Variants in PARN observed in about 807,000 individuals in gnomAD.
The protein encoded by PARN is poly(A)-specific ribonuclease.
In PARN, 71 loss-of-function variants were observed where a neutral mutation model predicts 102.8. The observed-to-expected ratio is 0.69, with a 90% CI of 0.57 to 0.84. The LOEUF (loss-of-function observed/expected upper bound fraction) is 0.84, where lower values mean the gene tolerates loss of function less well. PARN is among the 40% of genes least tolerant of loss of function. The pLI, the probability that PARN is intolerant of heterozygous loss-of-function variation, is 0.00. For missense variants in PARN, 782 were observed against 760.9 expected (o/e 1.03, Z -0.33); for synonymous variants, 261 against 252.9 (o/e 1.03, Z -0.30).
At chr16:14,524,387 T>C (rs1377985824) in intron 21 of PARN, among the ~76,000 whole-genome samples, 2 of 152,276 alleles carry the variant, frequency 1.3e-5, no homozygotes, top group East Asian at 3.9e-4. Context: ...CAAACATGAA[T>C]TATGAAAAAG....
chr16:14,601,725 C>T (rs903930678), intron 11 of PARN: 1 of 151,938 alleles, frequency 6.6e-6, no homozygotes, highest in Non-Finnish European at 1.5e-5. Context: ...GAGTTCAAGA[C>T]CTGCCTGGCC....
chr16:14,624,930 A>G (rs1365630904), intron 5 of PARN, among the ~76,000 whole-genome samples: 1 of 152,092 alleles, frequency 6.6e-6, no homozygotes, highest in Admixed American at 6.6e-5. Context: ...CATGCCTGTA[A>G]TAACAGCTAC....
At chr16:14,483,896 GA>G (rs1447309741) in intron 21 of PARN, among the ~76,000 whole-genome samples, 1 of 152,124 alleles carries the variant, frequency 6.6e-6, no homozygotes, top group Non-Finnish European at 1.5e-5. Context: ...TGGTTGCATG[GA>G]AAAGTTCTTC....
At chr16:14,479,943 A>G (rs895262846) in intron 22 of PARN, among the ~76,000 whole-genome samples, 2 of 151,850 alleles carry the variant, frequency 1.3e-5, no homozygotes, top group African/African-American at 4.8e-5. Flanking sequence ...AAAAGAGACA[A>G]TCACTGCAAC....
intron 18 of PARN, among the ~76,000 whole-genome samples, chr16:14,571,703 T>G (rs1968824607): frequency 6.6e-6 from 1 of 152,172 alleles, no homozygotes; most frequent in Non-Finnish European, 1.5e-5. Flanking sequence ...AGGCCTATGA[T>G]GTACCAGCCA....
At chr16:14,597,481 G>A (rs779754975) in intron 12 of PARN, among the ~76,000 whole-genome samples, 21 of 152,108 alleles carry the variant, frequency 1.4e-4, no homozygotes, top group Non-Finnish European at 3.1e-4. Flanking sequence ...CGGATCACGA[G>A]GTCAGGAGAC....
chr16:14,549,835 A>G (rs1967182960), intron 21 of PARN, among the ~76,000 whole-genome samples: 2 of 152,162 alleles, frequency 1.3e-5, no homozygotes, highest in Admixed American at 1.3e-4. Flanking sequence ...CCATGATCTC[A>G]TTTCATCCTC....
chr16:14,610,227 C>T (rs1159912370), intron 7 of PARN, among the ~76,000 whole-genome samples: 1 of 152,152 alleles, frequency 6.6e-6, no homozygotes, highest in Non-Finnish European at 1.5e-5. Flanking sequence ...AATCTCAACA[C>T]TTTGAGAGGC....
At chr16:14,455,991 GAAT>G (rs1284735796) in intron 22 of PARN, among the ~76,000 whole-genome samples, 1 of 152,020 alleles carries the variant, frequency 6.6e-6, no homozygotes, top group African/African-American at 2.4e-5. Context: ...TCACAATTTG[GAAT>G]AAGAGACAAA....
intron 21 of PARN, among the ~76,000 whole-genome samples, chr16:14,507,494 T>G (rs765713647): frequency 1.3e-5 from 2 of 151,650 alleles, no homozygotes; most frequent in Non-Finnish European, 2.9e-5. Flanking sequence ...CCCAGGAGTA[T>G]GAGACCGACC....
chr16:14,516,792 ACCTGTAAAAC>A (rs2151645138), intron 21 of PARN, among the ~76,000 whole-genome samples: 1 of 152,338 alleles, frequency 6.6e-6, no homozygotes, highest in East Asian at 1.9e-4. Flanking sequence ...ATGTACACTT[ACCTGTAAAAC>A]AGAGACTAAA....
At chr16:14,594,893 C>T (rs1970409220) in intron 12 of PARN, among the ~76,000 whole-genome samples, 2 of 152,168 alleles carry the variant, frequency 1.3e-5, no homozygotes, top group Admixed American at 1.3e-4. Context: ...TTCTGAATAC[C>T]TATGCTACGC....
At chr16:14,473,091 T>C (rs1233122763) in intron 22 of PARN, among the ~76,000 whole-genome samples, 1 of 152,174 alleles carries the variant, frequency 6.6e-6, no homozygotes, top group Non-Finnish European at 1.5e-5. Context: ...AAATCTTTTA[T>C]AGTAGTAATC....
At chr16:14,530,769 G>A (rs1966281147) in intron 21 of PARN, among the ~76,000 whole-genome samples, 1 of 152,024 alleles carries the variant, frequency 6.6e-6, no homozygotes, top group South Asian at 2.1e-4. Flanking sequence ...CCTTCCCAAG[G>A]ACTGTACCAG....
At chr16:14,572,874 A>AT (rs1351582120) in intron 18 of PARN, among the ~76,000 whole-genome samples, 2 of 151,792 alleles carry the variant, frequency 1.3e-5, no homozygotes, top group African/African-American at 4.8e-5. Context: ...CTAGCATGTT[A>AT]GATCTTTTTG....
intron 22 of PARN, among the ~76,000 whole-genome samples, chr16:14,455,125 A>G (rs532940797): frequency 6.6e-6 from 1 of 152,232 alleles, no homozygotes; most frequent in African/African-American, 2.4e-5. Context: ...TAAAACACAC[A>G]AGTATTAACT....
At chr16:14,487,692 T>C (rs1477002404) in intron 21 of PARN, among the ~76,000 whole-genome samples, 1 of 152,006 alleles carries the variant, frequency 6.6e-6, no homozygotes, top group Non-Finnish European at 1.5e-5. Context: ...AAAATCTCGG[T>C]AGAAAACAAC....
chr16:14,492,205 C>A (rs1394035979), intron 21 of PARN, among the ~76,000 whole-genome samples: 1 of 152,186 alleles, frequency 6.6e-6, no homozygotes, highest in Non-Finnish European at 1.5e-5. Flanking sequence ...AGATCTGAGC[C>A]CCGTAAAGGG....
At position 14,610,732 on chromosome 16, in the gene PARN, C is replaced by A. The variant is rs200103366; in HGVS notation, c.466G>T (p.Ala156Ser). The A allele has an allele frequency of 2.7e-4, 433 of 1,604,418 alleles. 1 individual carries two copies. The highest frequency in any genetic ancestry group is 3.3e-4 in the Non-Finnish European group (390 of 1,171,348). Reference sequence around the variant, plus strand: ...GGAGATACATAGGACAGAGCTCCTGCACCATTCGCCTGTGAACGTTTTTCA... The same window carrying A: ...GGAGATACATAGGACAGAGCTCCTGAACCATTCGCCTGTGAACGTTTTTCA... ...YDEKRSQANG[A>S]GALSYVSPNT... The change falls in exon 7 of 24, where the codon GCA becomes TCA. Residue 156 changes from alanine (A) to serine (S), a missense_variant. Physicochemically the swap from Ala to Ser is moderately conservative, Grantham distance 99 (BLOSUM62 1). Transcript: ENST00000437198.
Sources: gnomAD v4.1 joint callset for allele counts (sites outside exome capture counted in the v4.1 genomes callset) on GRCh38, gnomAD v4.1.1 for gene constraint, MANE v1.5 for transcripts, NCBI Gene and HGNC (gene_info 2026-07-23, HGNC 2026-07-21) for gene names.